The following PRSS12 variants were observed in gnomAD, a reference collection of about 807,000 sequenced individuals.
The protein encoded by PRSS12 is neurotrypsin.
PRSS12 carries 85 observed loss-of-function variants against 104.4 expected under a neutral mutation model. The ratio of observed to expected loss-of-function variants is 0.81; its 90% CI spans 0.68 to 0.98. PRSS12 has a LOEUF of 0.98. PRSS12 is among the 50% of genes least tolerant of loss of function. The pLI is 0.00. For synonymous variants in PRSS12, 454 were observed against 425.2 expected (o/e 1.07, Z -0.83); for missense variants, 1,141 against 1,139.2 (o/e 1.00, Z -0.02).
intron 3 of PRSS12, among the ~76,000 whole-genome samples, chr4:118,332,343 C>T (rs912806596): frequency 1.3e-4 from 20 of 152,208 alleles, no homozygotes; most frequent in African/African-American, 4.6e-4. Context: ...ATATCTAATT[C>T]GTTAAAACAA....
intron 1 of PRSS12, among the ~76,000 whole-genome samples, chr4:118,339,790 T>C (rs1724154347): frequency 6.6e-6 from 1 of 152,232 alleles, no homozygotes; most frequent in Non-Finnish European, 1.5e-5. Flanking sequence ...TGATTTTTTA[T>C]ATCACAAAAT....
chr4:118,281,909 A>G lies in PRSS12; in HGVS notation c.*27T>C, dbSNP rs2126024934. 3.0e-6 allele frequency: 3 copies of G among 1,004,176 alleles called. No individual in the cohort carries two copies. Among genetic ancestry groups the G allele is most frequent in the Non-Finnish European group, 3.2e-6 (2 of 622,202 alleles). 62.2% of individuals were successfully genotyped at this position (1,004,176 alleles called of 1,614,324 possible). On this transcript the variant is annotated 3_prime_UTR_variant, in exon 13 of 13. Coordinates refer to ENST00000296498, the MANE Select transcript of PRSS12 (RefSeq NM_003619.4). ...GGTTCAAAGTTTTCCATTTGTTTAAATGCTGCTTTGAAGTTTCCATGAAGA... is the reference window on the plus strand; with the variant it reads ...GGTTCAAAGTTTTCCATTTGTTTAAGTGCTGCTTTGAAGTTTCCATGAAGA...
intron 10 of PRSS12, among the ~76,000 whole-genome samples, chr4:118,295,568 T>C (rs1197319606): frequency 6.6e-6 from 1 of 152,202 alleles, no homozygotes; most frequent in Non-Finnish European, 1.5e-5. Context: ...GCAACACATC[T>C]AATCTCTTAA....
chr4:118,352,110 A>G (rs1578947566), intron 1 of PRSS12, 109 bp downstream of exon 1: 1 of 1,488,782 alleles, frequency 6.7e-7, no homozygotes, highest in Non-Finnish European at 9.0e-7. Flanking sequence ...ACGCAAGCCC[A>G]CAACCCCACA....
At chr4:118,324,199 G>A (rs1034161720) in intron 4 of PRSS12, among the ~76,000 whole-genome samples, 3 of 152,008 alleles carry the variant, frequency 2.0e-5, no homozygotes. Flanking sequence ...AAAAGACAAA[G>A]CAATCAACTT....
At position 118,316,207 on chromosome 4, in the gene PRSS12, C is replaced by T. The variant is rs1454952808; in HGVS notation, c.1267G>A (p.Val423Met). 4 of 1,613,938 alleles carry T rather than the reference C, an allele frequency of 2.5e-6. No individual in the cohort carries two copies. In the African/African-American group the frequency reaches 4.0e-5, roughly 16 times the overall value. The change falls in exon 6 of 13, where the codon GTG (valine) becomes ATG (methionine). Residue 423 changes from valine to methionine, a missense_variant. Transcript: ENST00000296498. The part of the protein sequence containing the change: ...DDGWTELNTY[V>M]VCRQLGFKYG... ...TTAAATCCCAATTGTCGACAAACCA[C>T]GTATGTATTCAGCTCAGTCCAGCCA...
intron 8 of PRSS12, among the ~76,000 whole-genome samples, chr4:118,301,738 C>T (rs1490393686): frequency 6.6e-6 from 1 of 152,052 alleles, no homozygotes; most frequent in Non-Finnish European, 1.5e-5. Context: ...TTCTACAGAT[C>T]TGTTTTTCTT....
intron 11 of PRSS12, among the ~76,000 whole-genome samples, chr4:118,288,074 G>T (rs977989967): frequency 6.6e-6 from 1 of 152,148 alleles, no homozygotes; most frequent in Non-Finnish European, 1.5e-5. Flanking sequence ...AGGTTGCAGG[G>T]TCATATTCTT....
At chr4:118,327,522 A>C (rs1376778887) in intron 4 of PRSS12, among the ~76,000 whole-genome samples, 1 of 152,214 alleles carries the variant, frequency 6.6e-6, no homozygotes, top group East Asian at 1.9e-4. Flanking sequence ...ATGGTTCTAT[A>C]TAATTTTAGA....
chr4:118,352,127 G>A, intron 1 of PRSS12, 92 bp downstream of exon 1: 1 of 1,545,706 alleles, frequency 6.5e-7, no homozygotes, highest in Admixed American at 1.9e-5. Flanking sequence ...CACACACCCC[G>A]TCACTTTTTC....
chr4:118,299,303 A>C (rs910675638), intron 8 of PRSS12, among the ~76,000 whole-genome samples: 1 of 152,246 alleles, frequency 6.6e-6, no homozygotes, highest in African/African-American at 2.4e-5. Flanking sequence ...ATATTGGTAT[A>C]ATATTGCAAA....
chr4:118,321,943 C>T (rs1655806840), intron 4 of PRSS12, among the ~76,000 whole-genome samples: 1 of 152,000 alleles, frequency 6.6e-6, no homozygotes, highest in South Asian at 2.1e-4. Context: ...TATAAGGTAA[C>T]GGCCCAGAAG....
intron 11 of PRSS12, among the ~76,000 whole-genome samples, chr4:118,287,607 T>C (rs1434972032): frequency 2.0e-5 from 3 of 152,182 alleles, no homozygotes; most frequent in African/African-American, 7.2e-5. Flanking sequence ...CAACCAAATT[T>C]TTGTCTTCTA....
chr4:118,347,338 T>A, intron 1 of PRSS12, among the ~76,000 whole-genome samples: 1 of 152,214 alleles, frequency 6.6e-6, no homozygotes, highest in East Asian at 1.9e-4. Context: ...TGGAATTCAA[T>A]GAGTACAGCC....
intron 8 of PRSS12, among the ~76,000 whole-genome samples, chr4:118,301,605 A>G (rs1207223268): frequency 6.6e-6 from 1 of 152,286 alleles, no homozygotes; most frequent in Admixed American, 6.5e-5. Flanking sequence ...CACATTCAGG[A>G]TTGCGGTACA....
At chr4:118,335,773 G>C in intron 2 of PRSS12, 122 bp from the exon 3 acceptor site, 1 of 948,666 alleles carries the variant, frequency 1.1e-6, no homozygotes, top group Non-Finnish European at 1.7e-6. Flanking sequence ...AACAAAGAAA[G>C]AAAGAAGAAA....
chr4:118,281,614 A>G lies in PRSS12; in HGVS notation c.*322T>C, dbSNP rs1370626687. The G allele has an allele frequency of 2.7e-6, 1 of 372,748 alleles. No homozygotes were observed. The highest frequency in any genetic ancestry group is 5.1e-6 in the Non-Finnish European group (1 of 196,764). 23.1% of individuals were successfully genotyped at this position (372,748 alleles called of 1,614,324 possible). A position where few individuals can be genotyped will look rare whatever the true frequency, so the allele number is the denominator to read the frequency against. On this transcript the variant is annotated 3_prime_UTR_variant, in exon 13 of 13. Transcript: ENST00000296498. ...ACTGATTCAATTAAAAGGGGTTCTC[A>G]GTTCAAATGTAAAAATGATCTTTTG... is the stretch of plus-strand genomic sequence containing the variant.
chr4:118,304,559 G>A (rs892138449), intron 8 of PRSS12, among the ~76,000 whole-genome samples: 1 of 151,672 alleles, frequency 6.6e-6, no homozygotes. Flanking sequence ...GGATTAATAC[G>A]CTAACAAACA....
chr4:118,292,789 C>A (rs1285552648), intron 11 of PRSS12, among the ~76,000 whole-genome samples: 3 of 152,036 alleles, frequency 2.0e-5, no homozygotes, highest in Non-Finnish European at 4.4e-5. Context: ...GCAAGGCGGG[C>A]AGATCACTTG....
Sources: allele counts gnomAD v4.1 joint callset (sites outside exome capture counted in the v4.1 genomes callset), GRCh38; gene constraint gnomAD v4.1.1; transcripts MANE v1.5; gene names NCBI Gene and HGNC (gene_info 2026-07-23, HGNC 2026-07-21).